The following RCAN2 variants were observed in gnomAD, a reference collection of about 807,000 sequenced individuals.
RCAN2 encodes the protein calcipressin-2.
A neutral mutation model predicts 23.6 loss-of-function variants in RCAN2; 9 were observed. The observed-to-expected ratio is 0.38, with a 90% confidence interval of 0.23 to 0.67. The LOEUF (loss-of-function observed/expected upper bound fraction) is 0.67, where lower values mean the gene tolerates loss of function less well. Ranked by LOEUF, RCAN2 falls within the 30% of genes least tolerant of loss-of-function variation. The pLI is 0.51. For synonymous variants in RCAN2, 109 were observed against 115.7 expected, an observed-to-expected ratio of 0.94 and a Z score of 0.37; for missense variants, 273 against 302.3, an observed-to-expected ratio of 0.90 and a Z score of 0.72.
At chr6:46,437,501 C>T (rs550761847) in intron 2 of RCAN2, among the ~76,000 whole-genome samples, 63 of 152,234 alleles carry the variant, frequency 4.1e-4, no homozygotes, top group African/African-American at 1.5e-3. Context: ...ACATTGAGTG[C>T]AGATAATAAG....
chr6:46,295,030 C>T (rs898078593), intron 2 of RCAN2, among the ~76,000 whole-genome samples: 1 of 151,826 alleles, frequency 6.6e-6, no homozygotes, highest in Non-Finnish European at 1.5e-5. Context: ...GTGGCAGGAA[C>T]ATAGAAAAGA....
intron 2 of RCAN2, among the ~76,000 whole-genome samples, chr6:46,295,252 G>GA (rs1762689115): frequency 6.6e-6 from 1 of 152,124 alleles, no homozygotes; most frequent in African/African-American, 2.4e-5. Flanking sequence ...TCCATTTACA[G>GA]ATCTTGGCCT....
chr6:46,388,984 A>G (rs935311634), intron 2 of RCAN2, among the ~76,000 whole-genome samples: 1 of 152,222 alleles, frequency 6.6e-6, no homozygotes, highest in African/African-American at 2.4e-5. Flanking sequence ...AAAAAAGAAG[A>G]GATGTAAAAC....
intron 2 of RCAN2, among the ~76,000 whole-genome samples, chr6:46,323,065 T>A (rs1763667449): frequency 6.6e-6 from 1 of 152,168 alleles, no homozygotes; most frequent in African/African-American, 2.4e-5. Flanking sequence ...TCTAAGTGGC[T>A]AGAGTGTTTG....
At chr6:46,311,918 A>G (rs750566011) in intron 2 of RCAN2, among the ~76,000 whole-genome samples, 2 of 152,180 alleles carry the variant, frequency 1.3e-5, no homozygotes, top group Non-Finnish European at 1.5e-5. Context: ...ACCACACAGG[A>G]AAAAGGTGAT....
At chr6:46,243,819 A>AC (rs1766405351) in intron 4 of RCAN2, among the ~76,000 whole-genome samples, 2 of 149,538 alleles carry the variant, frequency 1.3e-5, no homozygotes, top group African/African-American at 5.0e-5. Context: ...CAAAAAAAAA[A>AC]AAAAAAAAAA....
chr6:46,393,116 T>C (rs1197754258), intron 2 of RCAN2, among the ~76,000 whole-genome samples: 1 of 152,208 alleles, frequency 6.6e-6, no homozygotes, highest in African/African-American at 2.4e-5. Context: ...AAAAACTTCA[T>C]TACTGGCCAG....
chr6:46,366,511 T>G (rs1765175771), intron 2 of RCAN2, among the ~76,000 whole-genome samples: 1 of 152,164 alleles, frequency 6.6e-6, no homozygotes, highest in Non-Finnish European at 1.5e-5. Flanking sequence ...CCAAAACTTT[T>G]CAATTAGGCC....
At position 46,344,454 on chromosome 6, in the gene RCAN2, A is replaced by G. The variant is rs114027781; in HGVS notation, c.226-95558T>C. On this transcript the variant is annotated intron_variant, in intron 2 of 4. Transcript: ENST00000371374. ...TAAATAGACAAGACCTTCTTATTAT[A>G]TTTATTTTAAAAATTATTAAAAATA... Among the ~76,000 whole-genome samples, 634 of 151,594 alleles carry G rather than the reference A, an allele frequency of 4.2e-3. 1 individual carries two copies. Among genetic ancestry groups the G allele is most frequent in the Non-Finnish European group, 5.8e-3 (396 of 67,844 alleles).
intron 2 of RCAN2, among the ~76,000 whole-genome samples, chr6:46,391,441 G>A (rs772049717): frequency 6.6e-6 from 1 of 152,132 alleles, no homozygotes; most frequent in Non-Finnish European, 1.5e-5. Flanking sequence ...GGGTGTTTGG[G>A]AAGTGTTATG....
At chr6:46,234,852 A>G (rs1766033469) in intron 4 of RCAN2, among the ~76,000 whole-genome samples, 1 of 152,184 alleles carries the variant, frequency 6.6e-6, no homozygotes. Flanking sequence ...GGTTTGTGAC[A>G]ATGTCCCAAT....
At chr6:46,263,747 G>A (rs867998237) in intron 2 of RCAN2, among the ~76,000 whole-genome samples, 2 of 126,146 alleles carry the variant, frequency 1.6e-5, no homozygotes, top group African/African-American at 5.8e-5. Context: ...AAAAAAAAAG[G>A]TATTTCAAGG....
At chr6:46,411,282 T>C (rs2150407875) in intron 2 of RCAN2, among the ~76,000 whole-genome samples, 1 of 152,264 alleles carries the variant, frequency 6.6e-6, no homozygotes, top group East Asian at 1.9e-4. Context: ...AGGCACCTAG[T>C]GTAGTCAAAT....
rs151059437 is a variant in RCAN2, at chr6:46,325,745, C to G, written c.226-76849G>C. 1.2e-4 allele frequency: 154 copies of G among 1,263,244 alleles called. No individual in the cohort carries two copies. The African/African-American group carries it at 2.2e-3, about 18-fold the overall frequency. 78.3% of individuals were successfully genotyped at this position (1,263,244 alleles called of 1,614,324 possible). A position where few individuals can be genotyped will look rare whatever the true frequency, so the allele number is the denominator to read the frequency against. ...ACAAGCTGAAGCTATTTTTTTTTCT[C>G]CAAGCCTTTTATCTCTAGGCAGTGC... On this transcript the variant is annotated intron_variant, in intron 2 of 4. Transcript: ENST00000371374.
At chr6:46,371,223 T>C (rs2150389000) in intron 2 of RCAN2, among the ~76,000 whole-genome samples, 1 of 152,324 alleles carries the variant, frequency 6.6e-6, no homozygotes, top group African/African-American at 2.4e-5. Flanking sequence ...GATGTCACTT[T>C]ACCTCCTCAA....
intron 2 of RCAN2, among the ~76,000 whole-genome samples, chr6:46,296,543 A>G (rs1172775366): frequency 6.6e-6 from 1 of 152,104 alleles, no homozygotes; most frequent in East Asian, 1.9e-4. Context: ...ATTCTTTGTA[A>G]CTAATTGAAT....
At chr6:46,440,673 T>G (rs1561907010) in intron 2 of RCAN2, among the ~76,000 whole-genome samples, 1 of 152,014 alleles carries the variant, frequency 6.6e-6, no homozygotes, top group South Asian at 2.1e-4. Flanking sequence ...AAAAGATAGT[T>G]GCTATGACTG....
intron 1 of RCAN2, among the ~76,000 whole-genome samples, chr6:46,472,482 C>G (rs1475221225): frequency 6.6e-6 from 1 of 152,166 alleles, no homozygotes; most frequent in Non-Finnish European, 1.5e-5. Flanking sequence ...TCAAATCTCT[C>G]TGTGACTCTC....
At chr6:46,300,442 T>A (rs547741205) in intron 2 of RCAN2, among the ~76,000 whole-genome samples, 3 of 151,944 alleles carry the variant, frequency 2.0e-5, no homozygotes, top group Admixed American at 2.0e-4. Flanking sequence ...AAATGGTATA[T>A]AAAATTTAAA....
Sources: allele counts gnomAD v4.1 joint callset (sites outside exome capture counted in the v4.1 genomes callset), GRCh38; gene constraint gnomAD v4.1.1; transcripts MANE v1.5; gene names NCBI Gene and HGNC (gene_info 2026-07-23, HGNC 2026-07-21).